IPO4: variants seen among roughly 807,000 people sequenced by gnomAD.
IPO4 encodes the protein importin 4, also known as importin-4.
IPO4 carries 91 observed loss-of-function variants against 133.5 expected under a neutral mutation model. The ratio of observed to expected loss-of-function variants is 0.68; its 90% confidence interval spans 0.58 to 0.81. IPO4 has a LOEUF of 0.81. Among genes scored for constraint, IPO4 ranks in the 30% least tolerant of loss-of-function variants. The pLI is 0.00. For missense variants in IPO4, 1,279 were observed against 1,386.2 expected (o/e 0.92, Z 1.23); for synonymous variants, 607 against 581.6 (o/e 1.04, Z -0.63).
At position 24,186,708 on chromosome 14, in the gene IPO4, C is replaced by T. The variant is rs1192957923; in HGVS notation, c.840G>A (p.Lys280=). 1.9e-6 allele frequency: 3 copies of T among 1,613,626 alleles called. No individual in the cohort carries two copies. Among genetic ancestry groups the T allele is most frequent in the Non-Finnish European group, 2.5e-6 (3 of 1,179,596 alleles). The change falls in exon 9 of 30, where the codon AAG becomes AAA. Residue 280 remains lysine (K), a splice_region_variant and synonymous_variant. Coordinates refer to ENST00000354464, the MANE Select transcript of IPO4 (RefSeq NM_024658.4). ...TGTGTGTCAATGGGCACTCACTTACCTTGCTCTTGACTTTGACCAAGAAAG... is the reference window on the plus strand; with the variant it reads ...TGTGTGTCAATGGGCACTCACTTACTTTGCTCTTGACTTTGACCAAGAAAG... ...CLTFLVKVKS[K]ALLKNRLLPP... is the part of the protein sequence containing the mutation.
rs773268677 is a variant in IPO4 at position 24,182,342 on chromosome 14, G to A, written c.2534C>T (p.Ala845Val). The A allele has an allele frequency of 1.5e-5, 25 of 1,613,720 alleles. 1 individual carries two copies. Among genetic ancestry groups the A allele is most frequent in the South Asian group, 3.3e-5 (3 of 91,048 alleles). The change falls in exon 25 of 30, where the codon GCG becomes GTG. Residue 845 changes from alanine (A) to valine (V), a missense_variant. By Grantham distance (64) the Ala-to-Val change is moderately conservative. Around this residue, in one of 3 missense-constraint regions of IPO4, gnomAD observed 575 missense variants for 653.4 expected, o/e 0.88. Coordinates refer to ENST00000354464, the MANE Select transcript of IPO4 (RefSeq NM_024658.4). ...AGEAIPALAAAAGGDSFAPFF... is the reference protein window; with the variant it reads ...AGEAIPALAAVAGGDSFAPFF... ...TGGGGCAAAGGAGTCTCCCCCAGCC[G>A]CGGCTGCCAGGGCAGGGATGGCCTC...
chr14:24,181,671 C>G, intron 27 of IPO4, 40 bp downstream of exon 27: 1 of 1,612,466 alleles, frequency 6.2e-7, no homozygotes, highest in Non-Finnish European at 8.5e-7. Context: ...CACCCTCCCT[C>G]CTCAGCTTCC....
chr14:24,184,680 C>A lies in IPO4; in HGVS notation c.1606G>T (p.Asp536Tyr). The A allele has an allele frequency of 6.2e-7, 1 of 1,610,516 alleles. No homozygotes were observed. Among genetic ancestry groups the A allele is most frequent in the Non-Finnish European group, 8.5e-7 (1 of 1,178,384 alleles). Residue 536 changes from aspartate (D) to tyrosine (Y), a missense_variant, in exon 16 of 30, where the codon GAC becomes TAC. Asp to Tyr is a radical substitution (Grantham distance 160). Transcript: ENST00000354464. Reference sequence around the variant, plus strand: ...CTCTGGATCTGCACAGGCTGAAGGTCCTCACGGCCTGTTAACAGGAATTCC... The same window carrying A: ...CTCTGGATCTGCACAGGCTGAAGGTACTCACGGCCTGTTAACAGGAATTCC... ...LREFLLTGRE[D>Y]LQPVQIQSLE...
At position 24,181,697 on chromosome 14, in the gene IPO4, TCTCC is replaced by T. The variant is rs774821596; in HGVS notation, c.2940+10_2940+13del. On this transcript the variant is annotated intron_variant, in intron 27 of 29. Coordinates refer to ENST00000354464, the MANE Select transcript of IPO4 (RefSeq NM_024658.4). ...CTCAGCTTCCAAGCCCTGCCTGATG[TCTCC>T]CTCCCTCACCTGGGGCTCTGGTTTC... The T allele has an allele frequency of 1.2e-6, 2 of 1,606,518 alleles. No homozygotes were observed. The highest frequency in any genetic ancestry group is 3.3e-5 in the Admixed American group (2 of 59,704).
rs779739207 is a variant in IPO4 at position 24,182,004 on chromosome 14, T to C, written c.2758A>G (p.Ile920Val). Residue 920 changes from isoleucine (I) to valine (V), a missense_variant, in exon 26 of 30, where the codon ATC becomes GTC. Physicochemically the swap from Ile to Val is conservative, Grantham distance 29 (BLOSUM62 3). Transcript: ENST00000354464. ...EADPEVRSNAIFGMGVLAEHG... is the reference protein window; with the variant it reads ...EADPEVRSNAVFGMGVLAEHG... ...TCTGCCAGCACGCCCATCCCGAAGA[T>C]GGCATTGCTTCGCACCTCGGGGTCT... 2.5e-6 allele frequency: 4 copies of C among 1,612,944 alleles called. No individual in the cohort carries two copies. The highest frequency in any genetic ancestry group is 3.4e-6 in the Non-Finnish European group (4 of 1,180,026).
rs763873465 is a variant in IPO4 at position 24,184,307 on chromosome 14, C to T, written c.1748G>A (p.Arg583Gln). The T allele has an allele frequency of 8.8e-6, 14 of 1,583,594 alleles. No homozygotes were observed. Among genetic ancestry groups the T allele is most frequent in the South Asian group, 6.9e-5 (6 of 87,376 alleles). The stretch of plus-strand genomic sequence containing the variant: ...GTGAGGGGTCACTCACGTGCAGCGC[C>T]GCAAGTCAGGGTCGTCTACCTGGTC... ...LCDQVDDPDL[R>Q]RCTYSLFAAL... Residue 583 changes from arginine to glutamine, a missense_variant, in exon 17 of 30, where the codon CGG (arginine) becomes CAG (glutamine). Physicochemically the swap from Arg to Gln is conservative, Grantham distance 43. Coordinates refer to ENST00000354464, the MANE Select transcript of IPO4 (RefSeq NM_024658.4).
At chr14:24,181,642 A>G in intron 27 of IPO4, 25 bp from the exon 28 acceptor site, 2 of 1,613,968 alleles carry the variant, frequency 1.2e-6, no homozygotes, top group Non-Finnish European at 1.7e-6. Context: ...GTCTCAGGCC[A>G]ACCTGCCCTG....
intron 29 of IPO4, 45 bp from the exon 30 acceptor site, chr14:24,180,617 GCTGCCCCAGGCTCTC>G: frequency 6.2e-7 from 1 of 1,611,400 alleles, no homozygotes; most frequent in Non-Finnish European, 8.5e-7. Context: ...CTAAAGCCTC[GCTGCCCCAGGCTCTC>G]TGAGCCCTGC....
chr14:24,188,362 G>C lies in IPO4; in HGVS notation c.218C>G (p.Ala73Gly), dbSNP rs779876065. 5.6e-6 allele frequency: 9 copies of C among 1,612,392 alleles called. No individual in the cohort carries two copies. In the South Asian group the frequency reaches 9.9e-5, roughly 18 times the overall value. Residue 73 changes from alanine (A) to glycine (G), a missense_variant, in exon 3 of 30, where the codon GCG (alanine) becomes GGG (glycine). By Grantham distance (60) the Ala-to-Gly change is moderately conservative. Transcript: ENST00000354464. ...RRLNTRWRRL[A>G]AEQRESLKSL... ...AGCCCACCTCTCCCGTTGCTCCGCC[G>C]CCAGCCGTCGCCAGCGGGTGTTCAG...
At chr14:24,182,710 C>T in intron 24 of IPO4, 82 bp downstream of exon 24, 6 of 1,530,542 alleles carry the variant, frequency 3.9e-6, no homozygotes, top group Non-Finnish European at 5.4e-6. Flanking sequence ...TGCCCCAGGC[C>T]AAGCCCAAAT....
chr14:24,184,185 C>T, intron 17 of IPO4, 76 bp from the exon 18 acceptor site: 3 of 1,570,534 alleles, frequency 1.9e-6, no homozygotes, highest in Non-Finnish European at 2.6e-6. Flanking sequence ...CCGGGAACAC[C>T]TGGCTATGGT....
intron 17 of IPO4, 90 bp from the exon 18 acceptor site, chr14:24,184,199 A>C (rs1282683850): frequency 4.2e-5 from 65 of 1,563,386 alleles, no homozygotes; most frequent in Non-Finnish European, 5.5e-5. Flanking sequence ...CTATGGTCCA[A>C]ACCAGACGAC....
At chr14:24,186,598 T>A in intron 9 of IPO4, 110 bp downstream of exon 9, 5 of 1,357,808 alleles carry the variant, frequency 3.7e-6, no homozygotes, top group Non-Finnish European at 5.1e-6. Flanking sequence ...AGGCCAAGGC[T>A]TGAACCCCCA....
At position 24,181,779 on chromosome 14, in the gene IPO4, G is replaced by T; in HGVS notation, c.2872C>A (p.Arg958Ser). Residue 958 changes from arginine to serine, a missense_variant, in exon 27 of 30, where the codon CGT becomes AGT. This residue lies in a region of IPO4 where 575 missense variants were observed against 653.4 expected (regional missense o/e 0.88). Coordinates refer to ENST00000354464, the MANE Select transcript of IPO4 (RefSeq NM_024658.4). The part of the protein sequence containing the change: ...LLARERHDRV[R>S]DNICGALARL... Reference sequence around the variant, plus strand: ...GCAAGTGCCCCACAGATGTTGTCACGGACACGATCATGTCGCTCCCGCGCC... The same window carrying T: ...GCAAGTGCCCCACAGATGTTGTCACTGACACGATCATGTCGCTCCCGCGCC... The T allele has an allele frequency of 1.2e-6, 2 of 1,602,218 alleles. No homozygotes were observed. Among genetic ancestry groups the T allele is most frequent in the Non-Finnish European group, 8.5e-7 (1 of 1,172,664 alleles).
rs1310967567 is a variant in IPO4 at position 24,182,154 on chromosome 14, A to T, written c.2608T>A (p.Cys870Ser). 6.2e-7 allele frequency: 1 copy of T among 1,614,164 alleles called. No individual in the cohort carries two copies. Among genetic ancestry groups the T allele is most frequent in the South Asian group, 1.1e-5 (1 of 91,086 alleles). Residue 870 changes from cysteine (C) to serine (S), a missense_variant, in exon 26 of 30, where the codon TGC becomes AGC. By Grantham distance (112) the Cys-to-Ser change is moderately radical. Around this residue, in one of 3 missense-constraint regions of IPO4, gnomAD observed 575 missense variants for 653.4 expected, o/e 0.88. Coordinates refer to ENST00000354464, the MANE Select transcript of IPO4 (RefSeq NM_024658.4). ...PLLVCKTKQG[C>S]TVAEKSFAVG... ...GCAAAGGACTTCTCTGCCACTGTGCAGCCCTGTTTCTGATGGGGGAGAACA... is the reference window on the plus strand; with the variant it reads ...GCAAAGGACTTCTCTGCCACTGTGCTGCCCTGTTTCTGATGGGGGAGAACA...
Position 24,182,844 on chromosome 14 carries a change from T to C in IPO4, c.2422-2A>G. On this transcript the variant is annotated splice_acceptor_variant, in intron 23 of 29. Transcript: ENST00000354464. LOFTEE classifies it high-confidence loss of function. Reference sequence around the variant, plus strand: ...CTCGTCAGTATCCTGACAGGCTGTCTACAAGAAGTAGCTCAACTTAGCGGA... The same window carrying C: ...CTCGTCAGTATCCTGACAGGCTGTCCACAAGAAGTAGCTCAACTTAGCGGA... 6.2e-7 allele frequency: 1 copy of C among 1,614,164 alleles called. No individual in the cohort carries two copies.
chr14:24,187,201 C>A (rs1370411833), intron 6 of IPO4, 51 bp from the exon 7 acceptor site: 4 of 1,587,454 alleles, frequency 2.5e-6, no homozygotes, highest in Non-Finnish European at 3.5e-6. Flanking sequence ...CACACCCCAG[C>A]AGCTGGCAGC....
chr14:24,180,339 A>G lies in IPO4; in HGVS notation c.*103T>C, dbSNP rs1038080102. 1 of 1,508,730 alleles carries G rather than the reference A, an allele frequency of 6.6e-7. No individual in the cohort carries two copies. The highest frequency in any genetic ancestry group is 8.9e-7 in the Non-Finnish European group (1 of 1,121,330). The allele number at this position is 1,508,730 out of a possible 1,614,324, so 93.5% of individuals were successfully genotyped here. On this transcript the variant is annotated 3_prime_UTR_variant, in exon 30 of 30. Transcript: ENST00000354464. Reference sequence around the variant, plus strand: ...CAAGTGGGGCTGGCTCCAAATGGGTATGAGTCTCAGAATCTTTGGTAAGGC... The same window carrying G: ...CAAGTGGGGCTGGCTCCAAATGGGTGTGAGTCTCAGAATCTTTGGTAAGGC...
At position 24,186,718 on chromosome 14, in the gene IPO4, A is replaced by C. The variant is rs754363159; in HGVS notation, c.830T>G (p.Val277Gly). The C allele has an allele frequency of 5.6e-6, 9 of 1,613,860 alleles. No individual in the cohort carries two copies. The highest frequency in any genetic ancestry group is 5.5e-5 in the South Asian group (5 of 91,068). The change falls in exon 9 of 30, where the codon GTC becomes GGC. Residue 277 changes from valine (V) to glycine (G), a missense_variant. Val to Gly is a moderately radical substitution (Grantham distance 109, BLOSUM62 -3). This residue lies in a region of IPO4 where 695 missense variants were observed against 704.1 expected (regional missense o/e 0.99). Coordinates refer to ENST00000354464, the MANE Select transcript of IPO4 (RefSeq NM_024658.4). The part of the protein sequence containing the change: ...ILCCLTFLVK[V>G]KSKALLKNRL... ...TGGGCACTCACTTACCTTGCTCTTGACTTTGACCAAGAAAGTGAGGCAGCA... is the reference window on the plus strand; with the variant it reads ...TGGGCACTCACTTACCTTGCTCTTGCCTTTGACCAAGAAAGTGAGGCAGCA...
Sources: gnomAD v4.1 joint callset for allele counts on GRCh38, gnomAD v4.1.1 for gene constraint, gnomAD v4.1.1 regional missense constraint, MANE v1.5 for transcripts, NCBI Gene and HGNC (gene_info 2026-07-23, HGNC 2026-07-21) for gene names.